COL5A2: variants seen among roughly 807,000 people sequenced by gnomAD.
COL5A2 encodes collagen alpha-2(V) chain.
In COL5A2, 23 loss-of-function variants were observed where a neutral mutation model predicts 208.2. The observed-to-expected ratio is 0.11, with a 90% CI of 0.08 to 0.16. The LOEUF is 0.16. Among genes scored for constraint, COL5A2 ranks in the 10% least tolerant of loss-of-function variants. The pLI is 1.00. For synonymous variants in COL5A2, 625 were observed against 628.5 expected, an observed-to-expected ratio of 0.99 and a Z score of 0.08; for missense variants, 1,590 against 1,956.4, an observed-to-expected ratio of 0.81 and a Z score of 3.53.
chr2:189,307,054 GA>G, the COL5A2 span, among the ~76,000 whole-genome samples: 2 of 151,994 alleles, frequency 1.3e-5, no homozygotes, highest in South Asian at 4.1e-4. Context: ...CAAATTACTG[GA>G]AAAAAGTTCA....
intron 1 of COL5A2, among the ~76,000 whole-genome samples, chr2:189,126,322 T>C (rs1175918911): frequency 1.3e-5 from 2 of 152,066 alleles, no homozygotes; most frequent in African/African-American, 4.8e-5. Flanking sequence ...TTATGGAAAA[T>C]TTCTTTAAGT....
chr2:189,431,125 A>G, the COL5A2 span, among the ~76,000 whole-genome samples: 1 of 152,216 alleles, frequency 6.6e-6, no homozygotes, highest in Non-Finnish European at 1.5e-5. Context: ...GAAAACTAAC[A>G]AACAGAAAGG....
At chr2:189,280,066 A>G in the COL5A2 span, among the ~76,000 whole-genome samples, 1 of 152,132 alleles carries the variant, frequency 6.6e-6, no homozygotes. Context: ...CTATGAACCA[A>G]GAAGGAGACC....
intron 1 of COL5A2, among the ~76,000 whole-genome samples, chr2:189,185,761 T>C (rs1010198226): frequency 1.3e-5 from 2 of 152,218 alleles, no homozygotes; most frequent in Non-Finnish European, 2.9e-5. Flanking sequence ...GTTTGCTTGA[T>C]AGCTATTTCC....
intron 7 of COL5A2, among the ~76,000 whole-genome samples, chr2:189,092,061 A>G (rs1226299056): frequency 6.6e-6 from 1 of 152,194 alleles, no homozygotes; most frequent in African/African-American, 2.4e-5. Context: ...AACAAAGCAC[A>G]TAGAGTCTAG....
the COL5A2 span, among the ~76,000 whole-genome samples, chr2:189,384,597 T>A: frequency 6.6e-6 from 1 of 152,286 alleles, no homozygotes; most frequent in African/African-American, 2.4e-5. Context: ...TATAATCAGG[T>A]ATTTTTTTGC....
At chr2:189,190,115 G>C (rs183991937) in intron 1 of COL5A2, among the ~76,000 whole-genome samples, 21 of 152,198 alleles carry the variant, frequency 1.4e-4, no homozygotes, top group Non-Finnish European at 2.6e-4. Context: ...TACAAAAAAG[G>C]GGGGGTCATT....
intron 1 of COL5A2, among the ~76,000 whole-genome samples, chr2:189,143,423 TA>T: frequency 6.6e-6 from 1 of 152,182 alleles, no homozygotes; most frequent in Non-Finnish European, 1.5e-5. Context: ...AAAAGGTGTA[TA>T]AAGGCCTACT....
chr2:189,302,175 T>C, the COL5A2 span, among the ~76,000 whole-genome samples: 16 of 152,178 alleles, frequency 1.1e-4, no homozygotes, highest in Non-Finnish European at 1.9e-4. Flanking sequence ...CAAATTTGCC[T>C]GTTCAAAGTA....
chr2:189,305,411 C>A, the COL5A2 span, among the ~76,000 whole-genome samples: 2 of 152,172 alleles, frequency 1.3e-5, no homozygotes, highest in Non-Finnish European at 2.9e-5. Flanking sequence ...AGATTAAAGC[C>A]CTTATAAAAG....
chr2:189,354,317 C>T, the COL5A2 span, among the ~76,000 whole-genome samples: 2 of 152,146 alleles, frequency 1.3e-5, no homozygotes, highest in African/African-American at 4.8e-5. Context: ...GGTGGATTCC[C>T]TCTTTTTCTA....
chr2:189,317,444 A>G, the COL5A2 span, among the ~76,000 whole-genome samples: 3 of 152,230 alleles, frequency 2.0e-5, no homozygotes, highest in South Asian at 6.2e-4. Flanking sequence ...ATGGCAGACA[A>G]TGTTCCAAAT....
At chr2:189,204,699 C>G (rs1689121978) in intron 1 of COL5A2, among the ~76,000 whole-genome samples, 1 of 152,198 alleles carries the variant, frequency 6.6e-6, no homozygotes, top group African/African-American at 2.4e-5. Flanking sequence ...CAAACAGGTT[C>G]CATCCTGTGG....
the COL5A2 span, among the ~76,000 whole-genome samples, chr2:189,266,046 G>A: frequency 6.6e-6 from 1 of 152,124 alleles, no homozygotes; most frequent in African/African-American, 2.4e-5. Context: ...GCTAAAAGGT[G>A]AAAACAAGCC....
At chr2:189,322,160 T>C in the COL5A2 span, among the ~76,000 whole-genome samples, 48 of 152,296 alleles carry the variant, frequency 3.2e-4, no homozygotes, top group Non-Finnish European at 6.2e-4. Flanking sequence ...CCAGAATCTC[T>C]GGGACACATT....
At chr2:189,355,164 T>C in the COL5A2 span, among the ~76,000 whole-genome samples, 1 of 152,214 alleles carries the variant, frequency 6.6e-6, no homozygotes, top group Non-Finnish European at 1.5e-5. Context: ...ATGATTTCCA[T>C]TCTTTTGCGT....
intron 1 of COL5A2, among the ~76,000 whole-genome samples, chr2:189,129,148 T>G (rs1024393982): frequency 1.0e-4 from 14 of 135,276 alleles, no homozygotes; most frequent in South Asian, 9.3e-4. Context: ...AAACCAAAAA[T>G]AAAAAAAAAA....
At chr2:189,175,737 G>A (rs1322277274) in intron 1 of COL5A2, among the ~76,000 whole-genome samples, 1 of 152,044 alleles carries the variant, frequency 6.6e-6, no homozygotes, top group Non-Finnish European at 1.5e-5. Flanking sequence ...ATTTTGGGTA[G>A]GGACGGAGTT....
the COL5A2 span, among the ~76,000 whole-genome samples, chr2:189,285,599 A>T: frequency 1.3e-3 from 192 of 152,262 alleles, no homozygotes; most frequent in African/African-American, 4.3e-3. Flanking sequence ...CACAGCTACC[A>T]CGGCAGAACA....
Sources: allele counts gnomAD v4.1 joint callset (sites outside exome capture counted in the v4.1 genomes callset), GRCh38; gene constraint gnomAD v4.1.1; transcripts MANE v1.5; gene names NCBI Gene and HGNC (gene_info 2026-07-23, HGNC 2026-07-21).